The following RERE variants were observed in gnomAD, a reference collection of about 807,000 sequenced individuals.
RERE encodes the protein arginine-glutamic acid dipeptide repeats protein.
In RERE, 40 loss-of-function variants were observed where a neutral mutation model predicts 146.1. That is an observed-to-expected ratio of 0.27 (90% CI 0.21 to 0.36). The LOEUF is 0.36. Ranked by LOEUF, RERE falls within the 10% of genes least tolerant of loss-of-function variation. The pLI is 1.00. For missense variants in RERE, 1,933 were observed against 2,138.7 expected (o/e 0.90, Z 1.90); for synonymous variants, 1,003 against 866.0 (o/e 1.16, Z -2.78).
At chr1:8,425,064 A>T (rs1300855305) in intron 11 of RERE, 1 of 152,440 alleles carries the variant, frequency 6.6e-6, no homozygotes, top group East Asian at 1.9e-4. Flanking sequence ...AAAAGACTGG[A>T]TGAGGACTGT....
At chr1:8,444,444 C>CTT (rs1426718798) in intron 11 of RERE, among the ~76,000 whole-genome samples, 1 of 152,114 alleles carries the variant, frequency 6.6e-6, no homozygotes, top group African/African-American at 2.4e-5. Context: ...TCAGATAAGA[C>CTT]TTAGGACTTT....
intron 1 of RERE, among the ~76,000 whole-genome samples, chr1:8,722,052 T>A (rs941854379): frequency 6.6e-6 from 1 of 152,232 alleles, no homozygotes; most frequent in Non-Finnish European, 1.5e-5. Flanking sequence ...CAGCCCTTTT[T>A]CTGTCTATGA....
At chr1:8,446,991 T>G (rs1201553689) in intron 11 of RERE, among the ~76,000 whole-genome samples, 1 of 151,950 alleles carries the variant, frequency 6.6e-6, no homozygotes, top group Non-Finnish European at 1.5e-5. Context: ...TTCATTTCTT[T>G]TCGTTCTTTT....
intron 11 of RERE, among the ~76,000 whole-genome samples, chr1:8,437,237 T>C (rs912846976): frequency 2.0e-5 from 3 of 152,162 alleles, no homozygotes; most frequent in African/African-American, 4.8e-5. Flanking sequence ...CTGGATTTTG[T>C]TTCCCCTTCT....
chr1:8,473,333 C>CCATT (rs1255099412), intron 10 of RERE, among the ~76,000 whole-genome samples: 1 of 152,196 alleles, frequency 6.6e-6, no homozygotes, highest in Non-Finnish European at 1.5e-5. Flanking sequence ...CTCTTTGCTT[C>CCATT]CATTCATTCA....
At chr1:8,476,900 T>C (rs546477832) in intron 10 of RERE, among the ~76,000 whole-genome samples, 11 of 152,318 alleles carry the variant, frequency 7.2e-5, no homozygotes, top group Admixed American at 2.6e-4. Flanking sequence ...TTATAGAATA[T>C]TCTTCTAAAA....
At chr1:8,798,971 C>T (rs1209717677) in intron 1 of RERE, among the ~76,000 whole-genome samples, 2 of 151,320 alleles carry the variant, frequency 1.3e-5, no homozygotes, top group East Asian at 2.0e-4. Flanking sequence ...AGATTACAGG[C>T]GTGAGCCACT....
chr1:8,422,354 T>C (rs1305131306), intron 12 of RERE, among the ~76,000 whole-genome samples: 1 of 152,226 alleles, frequency 6.6e-6, no homozygotes, highest in African/African-American at 2.4e-5. Flanking sequence ...TGATGATTTC[T>C]GCCAATTACC....
intron 1 of RERE, among the ~76,000 whole-genome samples, chr1:8,801,381 T>C (rs998532954): frequency 6.6e-6 from 1 of 152,144 alleles, no homozygotes; most frequent in African/African-American, 2.4e-5. Context: ...GTGATTCTCC[T>C]GCCTCAGCCT....
At chr1:8,500,998 G>A (rs1168467443) in intron 8 of RERE, among the ~76,000 whole-genome samples, 3 of 146,876 alleles carry the variant, frequency 2.0e-5, no homozygotes, top group Admixed American at 6.7e-5. Flanking sequence ...GGGAAGTGAG[G>A]AGCGTCTCCG....
chr1:8,658,653 A>G (rs1010559528), intron 1 of RERE, among the ~76,000 whole-genome samples: 12 of 151,950 alleles, frequency 7.9e-5, no homozygotes, highest in Admixed American at 3.3e-4. Context: ...GCTACTCGGG[A>G]GGCTGAGTTA....
chr1:8,495,258 A>G, intron 9 of RERE, 96 bp from the exon 10 acceptor site: 1 of 868,732 alleles, frequency 1.2e-6, no homozygotes, highest in African/African-American at 1.7e-5. Flanking sequence ...AGCCCAGAAC[A>G]AATTCCATTA....
intron 1 of RERE, among the ~76,000 whole-genome samples, chr1:8,788,256 T>C (rs981677630): frequency 2.6e-5 from 4 of 152,198 alleles, no homozygotes; most frequent in African/African-American, 4.8e-5. Context: ...AATACAACCA[T>C]GTTATGTTAA....
intron 10 of RERE, among the ~76,000 whole-genome samples, chr1:8,493,215 C>T (rs900083955): frequency 1.3e-5 from 2 of 152,184 alleles, no homozygotes; most frequent in Non-Finnish European, 2.9e-5. Flanking sequence ...CTCTACTGGG[C>T]AGTAGTATCA....
At position 8,414,707 on chromosome 1, in the gene RERE, T is replaced by C. The variant is rs547092602; in HGVS notation, c.1284+8020A>G. ...CGGTGGGGGGAAGAAACATGGGCCA[T>C]TAATACTGAAACTTAATTAAAAAAT... On this transcript the variant is annotated intron_variant, in intron 12 of 22. Transcript: ENST00000400908. Among the ~76,000 whole-genome samples the C allele has an allele frequency of 3.3e-5, 5 of 152,222 alleles. No individual in the cohort carries two copies. In the South Asian group the frequency reaches 1.0e-3, roughly 32 times the overall value.
rs1643643910 is a variant in RERE, at chr1:8,412,553, A to T, written c.1284+10174T>A. On this transcript the variant is annotated intron_variant, in intron 12 of 22. Transcript: ENST00000400908. Reference sequence around the variant, plus strand: ...TTCATGTGCACACCCTTTAGGGATTAATTTGAAGCCAAGTTGCAATTGGCT... The same window carrying T: ...TTCATGTGCACACCCTTTAGGGATTTATTTGAAGCCAAGTTGCAATTGGCT... Among the ~76,000 whole-genome samples, 4 of 152,360 alleles carry T rather than the reference A, an allele frequency of 2.6e-5. No homozygotes were observed. In the South Asian group the frequency reaches 8.3e-4, roughly 32 times the overall value.
intron 1 of RERE, among the ~76,000 whole-genome samples, chr1:8,773,164 G>T (rs1447565861): frequency 6.6e-6 from 1 of 152,054 alleles, no homozygotes; most frequent in Non-Finnish European, 1.5e-5. Context: ...AAAAGAAAAA[G>T]AATTTTGTTG....
intron 10 of RERE, among the ~76,000 whole-genome samples, chr1:8,492,561 C>T (rs1644992299): frequency 6.6e-6 from 1 of 151,888 alleles, no homozygotes; most frequent in Non-Finnish European, 1.5e-5. Flanking sequence ...AGTTTGAAAT[C>T]AGCCCTGGCA....
chr1:8,365,725 C>G, intron 13 of RERE, 87 bp downstream of exon 13: 1 of 1,474,026 alleles, frequency 6.8e-7, no homozygotes, highest in African/African-American at 1.4e-5. Context: ...CTTCCCGGAG[C>G]CATCAGCTCC....
Sources: gnomAD v4.1 joint callset for allele counts (sites outside exome capture counted in the v4.1 genomes callset) on GRCh38, gnomAD v4.1.1 for gene constraint, MANE v1.5 for transcripts, NCBI Gene and HGNC (gene_info 2026-07-23, HGNC 2026-07-21) for gene names.